Variants in SND1 observed in about 807,000 individuals in gnomAD.
SND1 encodes staphylococcal nuclease and tudor domain containing 1, also known as staphylococcal nuclease domain-containing protein 1.
SND1 carries 38 observed loss-of-function variants against 121.7 expected under a neutral mutation model. The observed-to-expected ratio is 0.31, with a 90% CI of 0.24 to 0.41. The LOEUF is 0.41. Among genes scored for constraint, SND1 ranks in the 10% least tolerant of loss-of-function variants. SND1 has a pLI of 1.00. For missense variants in SND1, 868 were observed against 1,184.6 expected, an observed-to-expected ratio of 0.73 and a Z score of 3.92; for synonymous variants, 401 against 447.4, an observed-to-expected ratio of 0.90 and a Z score of 1.31.
chr7:127,746,391 C>G (rs1309269107), intron 10 of SND1, among the ~76,000 whole-genome samples: 1 of 152,186 alleles, frequency 6.6e-6, no homozygotes, highest in Non-Finnish European at 1.5e-5. Context: ...TCAACCCTAG[C>G]TCATGTGTCC....
At chr7:127,827,197 T>C (rs1240446484) in intron 11 of SND1, among the ~76,000 whole-genome samples, 1 of 152,240 alleles carries the variant, frequency 6.6e-6, no homozygotes, top group Non-Finnish European at 1.5e-5. Flanking sequence ...CTCTAGGTGA[T>C]AACTGTGGCC....
intron 2 of SND1, among the ~76,000 whole-genome samples, chr7:127,694,290 A>G (rs1325296033): frequency 2.0e-5 from 3 of 152,214 alleles, no homozygotes; most frequent in Non-Finnish European, 4.4e-5. Context: ...TCCTCCAACA[A>G]TGGCTTTAAC....
At chr7:127,857,994 G>A (rs369039700) in intron 12 of SND1, 7 of 1,455,260 alleles carry the variant, frequency 4.8e-6, no homozygotes, top group African/African-American at 1.4e-5. Flanking sequence ...CATGCAGCTC[G>A]GCATCCCCCG....
intron 10 of SND1, among the ~76,000 whole-genome samples, chr7:127,794,355 CACA>C (rs901241486): frequency 1.1e-4 from 17 of 152,190 alleles, no homozygotes; most frequent in African/African-American, 3.9e-4. Flanking sequence ...TTTTGAAATG[CACA>C]ACAATTCATT....
At chr7:127,900,308 A>C (rs889631474) in intron 13 of SND1, among the ~76,000 whole-genome samples, 1 of 152,206 alleles carries the variant, frequency 6.6e-6, no homozygotes, top group East Asian at 1.9e-4. Flanking sequence ...TTTGTTCAGA[A>C]TAACAATCTA....
At chr7:127,794,602 G>A (rs1797978817) in intron 10 of SND1, among the ~76,000 whole-genome samples, 1 of 152,220 alleles carries the variant, frequency 6.6e-6, no homozygotes, top group South Asian at 2.1e-4. Flanking sequence ...CTGTTACAGA[G>A]AAAATTGGTT....
chr7:127,726,829 G>C (rs554450195), intron 10 of SND1, among the ~76,000 whole-genome samples: 1 of 152,174 alleles, frequency 6.6e-6, no homozygotes, highest in African/African-American at 2.4e-5. Context: ...CAATCCCCAG[G>C]TGTATAAAAT....
chr7:127,720,223 G>C (rs1796467548), intron 9 of SND1, among the ~76,000 whole-genome samples: 1 of 152,318 alleles, frequency 6.6e-6, no homozygotes, highest in East Asian at 1.9e-4. Context: ...TGAAAGAGGA[G>C]GGAAATTTTG....
intron 18 of SND1, among the ~76,000 whole-genome samples, chr7:128,083,794 G>C (rs761513349): frequency 6.6e-6 from 1 of 152,138 alleles, no homozygotes; most frequent in Non-Finnish European, 1.5e-5. Context: ...CTTCTGAGAC[G>C]CAAGGGGCAA....
chr7:128,000,260 T>C (rs1802793647), intron 16 of SND1, among the ~76,000 whole-genome samples: 1 of 152,086 alleles, frequency 6.6e-6, no homozygotes, highest in South Asian at 2.1e-4. Context: ...AAACTAAAGA[T>C]GACCTCACAC....
At chr7:128,049,305 A>T (rs1256690623) in intron 16 of SND1, among the ~76,000 whole-genome samples, 4 of 152,092 alleles carry the variant, frequency 2.6e-5, no homozygotes, top group Non-Finnish European at 5.9e-5. Flanking sequence ...TTCTGGTTAA[A>T]AGAAACAAGT....
chr7:127,676,787 C>T (rs1358970911), intron 1 of SND1, among the ~76,000 whole-genome samples: 1 of 152,148 alleles, frequency 6.6e-6, no homozygotes, highest in East Asian at 1.9e-4. Context: ...TGTTGCCCAG[C>T]CTGAAGTGCA....
chr7:127,771,952 C>T (rs967771978), intron 10 of SND1, among the ~76,000 whole-genome samples: 1 of 152,106 alleles, frequency 6.6e-6, no homozygotes, highest in African/African-American at 2.4e-5. Flanking sequence ...ATTCACTGTT[C>T]ATCACTGGTA....
chr7:127,758,890 CA>C (rs1011606641), intron 10 of SND1, among the ~76,000 whole-genome samples: 1 of 151,930 alleles, frequency 6.6e-6, no homozygotes, highest in African/African-American at 2.4e-5. Flanking sequence ...CGTATCTCTA[CA>C]AAAAATTAAA....
intron 14 of SND1, among the ~76,000 whole-genome samples, chr7:127,927,476 G>A (rs1584672700): frequency 6.6e-6 from 1 of 152,178 alleles, no homozygotes; most frequent in African/African-American, 2.4e-5. Context: ...CATTTATCTT[G>A]TTTGACTGTT....
At chr7:127,884,563 T>C (rs991378150) in intron 12 of SND1, among the ~76,000 whole-genome samples, 5 of 152,004 alleles carry the variant, frequency 3.3e-5, no homozygotes, top group Admixed American at 6.5e-5. Context: ...CTTATCAAGC[T>C]TTGACGAAAC....
rs1031104664 is a variant in SND1 at position 128,085,965 on chromosome 7, A to G, written c.2304+185A>G. On this transcript the variant is annotated intron_variant, in intron 20 of 23. Coordinates refer to ENST00000354725, the MANE Select transcript of SND1 (RefSeq NM_014390.4). The surrounding 1 kb of genome is among the most constrained non-coding windows in gnomAD (Gnocchi z 4.4). ...CCTGGCAAAACTGGGGTCTATGACC[A>G]GTGGCTGCAAGCACTGATAGGTCCC... is the stretch of plus-strand genomic sequence containing the variant. Among the ~76,000 whole-genome samples the G allele has an allele frequency of 1.3e-5, 2 of 152,202 alleles. No individual in the cohort carries two copies. The highest frequency in any genetic ancestry group is 4.8e-5 in the African/African-American group (2 of 41,450).
At position 128,017,684 on chromosome 7, in the gene SND1, C is replaced by G. The variant is rs540815224; in HGVS notation, c.1779+26628C>G. Among the ~76,000 whole-genome samples the G allele has an allele frequency of 7.9e-5, 12 of 152,358 alleles. No homozygotes were observed. In the South Asian group the frequency reaches 2.3e-3, roughly 29 times the overall value. On this transcript the variant is annotated intron_variant, in intron 16 of 23. Transcript: ENST00000354725. ...TGTTCCAACTCCAGCAGCAGCACCA[C>G]TCGGGGAGGGGGGGCAAACTCTTTA...
intron 10 of SND1, among the ~76,000 whole-genome samples, chr7:127,773,134 C>T (rs1797546047): frequency 6.6e-6 from 1 of 152,120 alleles, no homozygotes; most frequent in African/African-American, 2.4e-5. Context: ...AGCATATATA[C>T]AAAAGGACTG....
Sources: allele counts gnomAD v4.1 joint callset (sites outside exome capture counted in the v4.1 genomes callset), GRCh38; gene constraint gnomAD v4.1.1; non-coding constraint Gnocchi (gnomAD v3.1); transcripts MANE v1.5; gene names NCBI Gene and HGNC (gene_info 2026-07-23, HGNC 2026-07-21).